GABRG1: variants seen among roughly 807,000 people sequenced by gnomAD.
GABRG1 encodes gamma-aminobutyric acid type A receptor subunit gamma1, also known as gamma-aminobutyric acid receptor subunit gamma-1.
A neutral mutation model predicts 49.8 loss-of-function variants in GABRG1; 49 were observed. That is an observed-to-expected ratio of 0.98 (90% CI 0.78 to 1.25). The LOEUF is 1.25. GABRG1 is among the 50% of genes most tolerant of loss of function. The probability of loss-of-function intolerance (pLI) is 0.00; values close to 1 mark genes in which losing one functional copy is unlikely to be tolerated. For missense variants in GABRG1, 552 were observed against 552.3 expected (o/e 1.00, Z 0.01); for synonymous variants, 232 against 185.1 (o/e 1.25, Z -2.06).
At chr4:46,065,340 T>C (rs1289828599) in intron 4 of GABRG1, 24 bp downstream of exon 4, 1 of 1,407,826 alleles carries the variant, frequency 7.1e-7, no homozygotes, top group Admixed American at 1.9e-5. Context: ...TGAGAGCAAC[T>C]ACAGATTTTT....
chr4:46,080,887 T>A (rs1719541063), intron 3 of GABRG1, among the ~76,000 whole-genome samples: 1 of 151,874 alleles, frequency 6.6e-6, no homozygotes, highest in Non-Finnish European at 1.5e-5. Context: ...AGAAGAAATA[T>A]AACATTTTAG....
Position 46,051,619 on chromosome 4 carries a change from A to T in GABRG1, c.936T>A (p.Thr312=), listed in dbSNP as rs2109398026. 1 of 1,608,116 alleles carries T rather than the reference A, an allele frequency of 6.2e-7. No individual in the cohort carries two copies. Among genetic ancestry groups the T allele is most frequent in the Non-Finnish European group, 8.5e-7 (1 of 1,175,498 alleles). Reference sequence around the variant, plus strand: ...TGGCAATTGTACTCAGGGTTGTCATAGTCAGAACTGTAGTGATACCTATAG... The same window carrying T: ...TGGCAATTGTACTCAGGGTTGTCATTGTCAGAACTGTAGTGATACCTATAG... ...RTSLGITTVL[T]MTTLSTIARK... The change falls in exon 8 of 9, where the codon ACT becomes ACA. Residue 312 remains threonine (T), a synonymous_variant. Transcript: ENST00000295452.
intron 7 of GABRG1, among the ~76,000 whole-genome samples, chr4:46,052,713 A>C (rs928780900): frequency 1.3e-5 from 2 of 151,926 alleles, no homozygotes; most frequent in African/African-American, 4.8e-5. Flanking sequence ...TTACTCTCTT[A>C]AAAGTACTAA....
intron 1 of GABRG1, among the ~76,000 whole-genome samples, chr4:46,109,390 CT>C (rs1720651742): frequency 6.6e-6 from 1 of 150,780 alleles, no homozygotes; most frequent in East Asian, 2.0e-4. Context: ...TCTGATTGTG[CT>C]TATTTGGATC....
intron 1 of GABRG1, among the ~76,000 whole-genome samples, chr4:46,118,238 A>G (rs1227300719): frequency 7.1e-6 from 1 of 140,466 alleles, no homozygotes; most frequent in African/African-American, 2.8e-5. Flanking sequence ...TATATATTAC[A>G]TATAGATCTA....
At chr4:46,079,466 C>T (rs371513043) in intron 3 of GABRG1, among the ~76,000 whole-genome samples, 3 of 151,752 alleles carry the variant, frequency 2.0e-5, no homozygotes, top group Non-Finnish European at 4.4e-5. Context: ...ATCACTTTTG[C>T]GATTGGAAAA....
intron 7 of GABRG1, among the ~76,000 whole-genome samples, chr4:46,056,733 T>A (rs913253015): frequency 6.6e-6 from 1 of 152,020 alleles, no homozygotes; most frequent in African/African-American, 2.4e-5. Context: ...TGTAGAAAAA[T>A]GCAAGGTTGA....
intron 2 of GABRG1, among the ~76,000 whole-genome samples, chr4:46,091,156 G>A (rs1308780805): frequency 6.6e-6 from 1 of 152,006 alleles, no homozygotes; most frequent in East Asian, 1.9e-4. Context: ...GACTAACAAA[G>A]GAGAGAGGAT....
chr4:46,087,330 T>C (rs551165330), intron 2 of GABRG1, among the ~76,000 whole-genome samples: 113 of 151,830 alleles, frequency 7.4e-4, no homozygotes, highest in Non-Finnish European at 1.4e-3. Context: ...TCACTGGTAG[T>C]AATATATCAA....
At chr4:46,118,416 C>T (rs60991748) in intron 1 of GABRG1, among the ~76,000 whole-genome samples, 14,513 of 150,568 alleles carry the variant, frequency 0.096, 1,752 homozygotes, top group African/African-American at 0.29. Context: ...GTACCTCCTC[C>T]AGAATTCTGA....
intron 1 of GABRG1, among the ~76,000 whole-genome samples, chr4:46,103,684 C>T (rs934319021): frequency 7.9e-5 from 12 of 151,270 alleles, no homozygotes; most frequent in African/African-American, 2.9e-4. Context: ...ATCATGACTA[C>T]CACTATTATT....
At chr4:46,123,739 T>G in intron 1 of GABRG1, 71 bp downstream of exon 1, 1 of 1,082,718 alleles carries the variant, frequency 9.2e-7, no homozygotes, top group Non-Finnish European at 1.4e-6. Flanking sequence ...GGAATAATTT[T>G]TAAAAGAAAG....
intron 1 of GABRG1, among the ~76,000 whole-genome samples, chr4:46,122,853 T>G (rs1441322582): frequency 6.6e-6 from 1 of 152,038 alleles, no homozygotes; most frequent in Admixed American, 6.6e-5. Context: ...TTGAAACAAG[T>G]TGCATGGTAT....
intron 8 of GABRG1, among the ~76,000 whole-genome samples, chr4:46,043,274 T>C (rs554993548): frequency 1.5e-3 from 235 of 151,860 alleles, no homozygotes; most frequent in Non-Finnish European, 2.7e-3. Flanking sequence ...CTGCAAGGGG[T>C]TTATTTAAAA....
chr4:46,064,408 T>G (rs1718828842), intron 5 of GABRG1, 33 bp downstream of exon 5: 1 of 1,173,542 alleles, frequency 8.5e-7, no homozygotes, highest in Non-Finnish European at 1.2e-6. Context: ...AAGGTTAAAA[T>G]TCTATGAAAT....
At chr4:46,090,400 A>G (rs13128857) in intron 2 of GABRG1, among the ~76,000 whole-genome samples, 1 of 151,946 alleles carries the variant, frequency 6.6e-6, no homozygotes, top group Non-Finnish European at 1.5e-5. Context: ...ACTAAAAAAG[A>G]CTATATACAA....
At chr4:46,070,939 A>ACATCTGAAC (rs1477233691) in intron 3 of GABRG1, among the ~76,000 whole-genome samples, 1 of 152,106 alleles carries the variant, frequency 6.6e-6, no homozygotes, top group Non-Finnish European at 1.5e-5. Context: ...CTTCACAGCA[A>ACATCTGAAC]CATCTGAACT....
chr4:46,107,593 G>C (rs543447302), intron 1 of GABRG1, among the ~76,000 whole-genome samples: 3 of 149,336 alleles, frequency 2.0e-5, no homozygotes, highest in Non-Finnish European at 4.5e-5. Flanking sequence ...TTTCTCATAT[G>C]TGAATTATGA....
intron 1 of GABRG1, among the ~76,000 whole-genome samples, chr4:46,109,254 G>C (rs761393798): frequency 1.3e-5 from 2 of 150,798 alleles, no homozygotes; most frequent in Non-Finnish European, 3.0e-5. Context: ...TTGGAAGATT[G>C]TGTGTTTCCA....
Sources: gnomAD v4.1 joint callset for allele counts (sites outside exome capture counted in the v4.1 genomes callset) on GRCh38, gnomAD v4.1.1 for gene constraint, MANE v1.5 for transcripts, NCBI Gene and HGNC (gene_info 2026-07-23, HGNC 2026-07-21) for gene names.